MEGF8: variants seen among roughly 807,000 people sequenced by gnomAD.
MEGF8 encodes multiple epidermal growth factor-like domains protein 8.
In MEGF8, 156 loss-of-function variants were observed where a neutral mutation model predicts 302.9. The ratio of observed to expected loss-of-function variants is 0.52; its 90% CI spans 0.45 to 0.59. MEGF8 has a LOEUF of 0.59. MEGF8 is among the 20% of genes least tolerant of loss of function. MEGF8 has a pLI of 0.00. For missense variants in MEGF8, 3,345 were observed against 3,964.5 expected, an observed-to-expected ratio of 0.84 and a Z score of 4.20; for synonymous variants, 1,621 against 1,660.5, an observed-to-expected ratio of 0.98 and a Z score of 0.58.
rs766562569 is a variant in MEGF8 at position 42,351,276 on chromosome 19, C to T, written c.2797C>T (p.Arg933Trp). The T allele has an allele frequency of 1.1e-5, 17 of 1,571,412 alleles. No homozygotes were observed. Among genetic ancestry groups the T allele is most frequent in the East Asian group, 2.3e-5 (1 of 42,938 alleles). Residue 933 changes from arginine (R) to tryptophan (W), a missense_variant, in exon 16 of 42, where the codon CGG becomes TGG. By Grantham distance (101) the Arg-to-Trp change is moderately radical (BLOSUM62 -3). Coordinates refer to ENST00000251268, the MANE Select transcript of MEGF8 (RefSeq NM_001271938.2). The surrounding 1 kb of genome is among the most constrained non-coding windows in gnomAD (Gnocchi z 5.6). ...SRKGDAACSR[R>W]GRGRGALKSP... ...CAAAGGGGACGCGGCATGCAGCCGG[C>T]GGGGCCGGGGTCGGGGTGCCCTGAA...
At position 42,336,381 on chromosome 19, in the gene MEGF8, G is replaced by A; in HGVS notation, c.1244+35G>A. 6.5e-7 allele frequency: 1 copy of A among 1,542,740 alleles called. No homozygotes were observed. On this transcript the variant is annotated intron_variant, in intron 6 of 41. Coordinates refer to ENST00000251268, the MANE Select transcript of MEGF8 (RefSeq NM_001271938.2). The surrounding 1 kb of genome is among the most constrained non-coding windows in gnomAD (Gnocchi z 4.8). ...CTGTCCCATAACCCATGCTCCACAG[G>A]CCAGGCCCAGCTCAACACCATAGGC...
In MEGF8 at chr19:42,354,709, A is replaced by G; in HGVS notation, c.4133A>G (p.Gln1378Arg). 1 of 1,605,550 alleles carries G rather than the reference A, an allele frequency of 6.2e-7. No homozygotes were observed. Among genetic ancestry groups the G allele is most frequent in the Non-Finnish European group, 8.5e-7 (1 of 1,178,246 alleles). The part of the protein sequence containing the change: ...GQRRDRPLTV[Q>R]ALSGLLVLHW... Reference sequence around the variant, plus strand: ...CGACGGGACAGGCCCCTCACTGTTCAGGCCCTGTCTGGTACGGGGGCTAGG... The same window carrying G: ...CGACGGGACAGGCCCCTCACTGTTCGGGCCCTGTCTGGTACGGGGGCTAGG... Residue 1378 changes from glutamine (Q) to arginine (R), a missense_variant, in exon 23 of 42, where the codon CAG (glutamine) becomes CGG (arginine). Coordinates refer to ENST00000251268, the MANE Select transcript of MEGF8 (RefSeq NM_001271938.2). This position sits in a 1 kb window ranked among gnomAD's most constrained non-coding sequence, Gnocchi z 4.3.
chr19:42,364,083 G>A (rs995785276), intron 35 of MEGF8, among the ~76,000 whole-genome samples: 4 of 152,196 alleles, frequency 2.6e-5, no homozygotes, highest in Non-Finnish European at 4.4e-5. Context: ...TTCAAACGTG[G>A]CACGTCAGAT....
In MEGF8 at chr19:42,360,124, C is replaced by G. The variant is rs1375693125; in HGVS notation, c.5489-651C>G. On this transcript the variant is annotated intron_variant, in intron 31 of 41. Coordinates refer to ENST00000251268, the MANE Select transcript of MEGF8 (RefSeq NM_001271938.2). ...ATCTTAAAAATACATTGGCTGCAGC[C>G]TGGGTGACAGAGCAAGACTCTTTCT... Among the ~76,000 whole-genome samples the G allele has an allele frequency of 4.1e-5, 6 of 147,040 alleles. No individual in the cohort carries two copies. In the East Asian group the frequency reaches 1.2e-3, roughly 29 times the overall value.
In MEGF8 at chr19:42,359,254, T is replaced by C. The variant is rs188285054; in HGVS notation, c.5488+12T>C. 819 of 1,538,974 alleles carry C rather than the reference T, an allele frequency of 5.3e-4. 3 individuals are homozygous for C. In the African/African-American group the frequency reaches 8.5e-3, roughly 16 times the overall value. ...GCCCGACCTCACCCGTAAGTCCCCA[T>C]TGTGGCTCCCAGGAGGCTGAGGGAC... is the stretch of plus-strand genomic sequence containing the variant. On this transcript the variant is annotated intron_variant, in intron 31 of 41. Coordinates refer to ENST00000251268, the MANE Select transcript of MEGF8 (RefSeq NM_001271938.2).
chr19:42,326,622 A>C (rs2038987320), intron 1 of MEGF8, among the ~76,000 whole-genome samples, 192 bp downstream of exon 1: 1 of 152,048 alleles, frequency 6.6e-6, no homozygotes, highest in African/African-American at 2.4e-5. Flanking sequence ...AGATGCACCT[A>C]CACCCAGATT....
chr19:42,369,825 A>T lies in MEGF8; in HGVS notation c.6834+102A>T. 1 of 1,281,426 alleles carries T rather than the reference A, an allele frequency of 7.8e-7. No individual in the cohort carries two copies. The highest frequency in any genetic ancestry group is 1.1e-6 in the Non-Finnish European group (1 of 938,530). The allele number at this position is 1,281,426 out of a possible 1,614,324, so 79.4% of individuals were successfully genotyped here. On this transcript the variant is annotated intron_variant, in intron 38 of 41. Transcript: ENST00000251268. This position sits in a 1 kb window ranked among gnomAD's most constrained non-coding sequence, Gnocchi z 5.7. ...TCGCATCTCATCCTGAGCCCTGATA[A>T]GCCAGGGACAGATAAGCCAGAGCCC...
rs192671389 is a variant in MEGF8, at chr19:42,367,350, G to A, written c.6274-1105G>A. Among the ~76,000 whole-genome samples the A allele has an allele frequency of 1.1e-3, 164 of 150,208 alleles. 1 individual carries two copies. Among genetic ancestry groups the A allele is most frequent in the Admixed American group, 2.3e-3 (34 of 15,066 alleles). On this transcript the variant is annotated intron_variant, in intron 35 of 41. Transcript: ENST00000251268. ...GTCATCCAGGCTGGAGTGCAGTGGC[G>A]CGATCTCTGCTCACTGCAAGCTCCA...
At position 42,353,989 on chromosome 19, in the gene MEGF8, C is replaced by G; in HGVS notation, c.3976C>G (p.Leu1326Val). The G allele has an allele frequency of 6.3e-7, 1 of 1,584,334 alleles. No individual in the cohort carries two copies. Among genetic ancestry groups the G allele is most frequent in the Non-Finnish European group, 8.6e-7 (1 of 1,165,640 alleles). ...APGTLCPPLTLTFSPDSSTPC... is the reference protein window; with the variant it reads ...APGTLCPPLTVTFSPDSSTPC... ...CGGGACCCTCTGTCCCCCACTCACC[C>G]TCACCTTCTCCCCCGACAGCAGCAC... The change falls in exon 22 of 42, where the codon CTC becomes GTC. Residue 1326 changes from leucine to valine, a missense_variant. Leu to Val is a conservative substitution (Grantham distance 32, BLOSUM62 1). Coordinates refer to ENST00000251268, the MANE Select transcript of MEGF8 (RefSeq NM_001271938.2). The surrounding 1 kb of genome is among the most constrained non-coding windows in gnomAD (Gnocchi z 6.1).
At chr19:42,338,247 T>G (rs978329291) in intron 8 of MEGF8, among the ~76,000 whole-genome samples, 1 of 147,100 alleles carries the variant, frequency 6.8e-6, no homozygotes, top group Admixed American at 7.0e-5. Context: ...TTTTTTTTTG[T>G]TTTTTTTTTG....
intron 8 of MEGF8, among the ~76,000 whole-genome samples, chr19:42,342,465 C>T (rs546293041): frequency 6.6e-6 from 1 of 152,254 alleles, no homozygotes; most frequent in East Asian, 1.9e-4. Context: ...AGTAAAACCC[C>T]GTTTTTACTA....
rs2039392186 is a variant in MEGF8 at position 42,352,573 on chromosome 19, G to A, written c.3350+117G>A. 1 of 1,352,378 alleles carries A rather than the reference G, an allele frequency of 7.4e-7. No individual in the cohort carries two copies. Among genetic ancestry groups the A allele is most frequent in the South Asian group, 1.4e-5 (1 of 69,670 alleles). 83.8% of individuals were successfully genotyped at this position (1,352,378 alleles called of 1,614,324 possible). A position where few individuals can be genotyped will look rare whatever the true frequency, so the allele number is the denominator to read the frequency against. ...CCTGTGGAACCAGCATCCCCAGTTA[G>A]CCAGGGGTTTTTACCTTGCACACTA... On this transcript the variant is annotated intron_variant, in intron 19 of 41. Coordinates refer to ENST00000251268, the MANE Select transcript of MEGF8 (RefSeq NM_001271938.2). This position sits in a 1 kb window ranked among gnomAD's most constrained non-coding sequence, Gnocchi z 4.4.
At position 42,351,086 on chromosome 19, in the gene MEGF8, C is replaced by T; in HGVS notation, c.2737-130C>T. 2 of 806,570 alleles carry T rather than the reference C, an allele frequency of 2.5e-6. No individual in the cohort carries two copies. The highest frequency in any genetic ancestry group is 2.8e-5 in the Admixed American group (1 of 35,818). The allele number at this position is 806,570 out of a possible 1,614,324, so 50.0% of individuals were successfully genotyped here. A position where few individuals can be genotyped will look rare whatever the true frequency, so the allele number is the denominator to read the frequency against. ...GGTCGAAGGGAGGGGTCCAGAGACGCAGGCAGCTGGGGAGGGAGATGGCCT... is the reference window on the plus strand; with the variant it reads ...GGTCGAAGGGAGGGGTCCAGAGACGTAGGCAGCTGGGGAGGGAGATGGCCT... On this transcript the variant is annotated intron_variant, in intron 15 of 41. Coordinates refer to ENST00000251268, the MANE Select transcript of MEGF8 (RefSeq NM_001271938.2). This position sits in a 1 kb window ranked among gnomAD's most constrained non-coding sequence, Gnocchi z 5.6.
chr19:42,336,701 G>A lies in MEGF8; in HGVS notation c.1245-106G>A. The A allele has an allele frequency of 1.4e-6, 2 of 1,470,872 alleles. No homozygotes were observed. Among genetic ancestry groups the A allele is most frequent in the Non-Finnish European group, 1.8e-6 (2 of 1,099,588 alleles). 91.1% of individuals were successfully genotyped at this position (1,470,872 alleles called of 1,614,324 possible). A position where few individuals can be genotyped will look rare whatever the true frequency, so the allele number is the denominator to read the frequency against. On this transcript the variant is annotated intron_variant, in intron 6 of 41. Transcript: ENST00000251268. The surrounding 1 kb of genome is among the most constrained non-coding windows in gnomAD (Gnocchi z 4.8). ...CTAGTTTGGAGGGGACATAGAGTCA[G>A]TCATGGCCAGTCTCATCCCTGGGTG...
intron 41 of MEGF8, among the ~76,000 whole-genome samples, chr19:42,372,038 A>AG (rs2039698557): frequency 1.1e-5 from 1 of 95,078 alleles, no homozygotes; most frequent in Admixed American, 1.4e-4. Flanking sequence ...ACTCTGTCTC[A>AG]AAACAACAAC....
intron 35 of MEGF8, among the ~76,000 whole-genome samples, chr19:42,366,575 C>G (rs1470203004): frequency 6.6e-6 from 1 of 152,204 alleles, no homozygotes; most frequent in Non-Finnish European, 1.5e-5. Flanking sequence ...TGGTCTGCCT[C>G]CTTCCTCTCA....
In MEGF8 at chr19:42,353,377, G is replaced by A. The variant is rs2039404475; in HGVS notation, c.3551-88G>A. 17 of 1,432,722 alleles carry A rather than the reference G, an allele frequency of 1.2e-5. No homozygotes were observed. The South Asian group carries it at 2.2e-4, about 19-fold the overall frequency. 88.8% of individuals were successfully genotyped at this position (1,432,722 alleles called of 1,614,324 possible). ...TGGTTTCTCACCTTTGAAGCGGCTG[G>A]GTGGGGTCAGGGTTTAGCTGAGCCA... On this transcript the variant is annotated intron_variant, in intron 20 of 41. Transcript: ENST00000251268. This position sits in a 1 kb window ranked among gnomAD's most constrained non-coding sequence, Gnocchi z 6.1.
intron 31 of MEGF8, among the ~76,000 whole-genome samples, 163 bp downstream of exon 31, chr19:42,359,405 CT>C (rs75689235): frequency 0.085 from 12,633 of 149,370 alleles, 676 homozygotes; most frequent in Middle Eastern, 0.17. Flanking sequence ...GCCCTCCTTC[CT>C]TTTTTTTTTC....
chr19:42,335,511 TCTC>T, intron 5 of MEGF8, 126 bp downstream of exon 5: 2 of 778,800 alleles, frequency 2.6e-6, no homozygotes, highest in Non-Finnish European at 4.2e-6. Flanking sequence ...GGAACCTACT[TCTC>T]CCTGTTTCTG....
Sources: allele counts gnomAD v4.1 joint callset (sites outside exome capture counted in the v4.1 genomes callset), GRCh38; gene constraint gnomAD v4.1.1; non-coding constraint Gnocchi (gnomAD v3.1); transcripts MANE v1.5; gene names NCBI Gene and HGNC (gene_info 2026-07-23, HGNC 2026-07-21).